The following SDK1 variants were observed in gnomAD, a reference collection of about 807,000 sequenced individuals.
SDK1 encodes the protein sidekick cell adhesion molecule 1, also known as protein sidekick-1.
In SDK1, 157 loss-of-function variants were observed where a neutral mutation model predicts 245.5. That is an observed-to-expected ratio of 0.64 (90% CI 0.56 to 0.73). SDK1 has a LOEUF of 0.73. Among genes scored for constraint, SDK1 ranks in the 30% least tolerant of loss-of-function variants. The probability of loss-of-function intolerance (pLI) is 0.00; values close to 1 mark genes in which losing one functional copy is unlikely to be tolerated. For missense variants in SDK1, 3,583 were observed against 3,002.3 expected, an observed-to-expected ratio of 1.19 and a Z score of -4.52; for synonymous variants, 1,647 against 1,278.5, an observed-to-expected ratio of 1.29 and a Z score of -6.15.
chr7:3,359,872 G>T (rs968375839), intron 1 of SDK1, among the ~76,000 whole-genome samples: 5 of 152,196 alleles, frequency 3.3e-5, no homozygotes, highest in African/African-American at 7.2e-5. Flanking sequence ...TGTGACCCAT[G>T]AAGTCTTAGG....
At chr7:3,438,588 G>A (rs548796961) in intron 1 of SDK1, among the ~76,000 whole-genome samples, 9 of 152,172 alleles carry the variant, frequency 5.9e-5, no homozygotes, top group African/African-American at 1.7e-4. Flanking sequence ...TTGGTCAGTA[G>A]GATGGTTAAG....
At chr7:3,694,314 A>G (rs984414524) in intron 4 of SDK1, among the ~76,000 whole-genome samples, 3 of 152,148 alleles carry the variant, frequency 2.0e-5, no homozygotes, top group South Asian at 2.1e-4. Flanking sequence ...TGGGCAGTGC[A>G]TGAAGGCAAG....
chr7:3,335,202 C>T (rs1269696140), intron 1 of SDK1, among the ~76,000 whole-genome samples: 1 of 152,180 alleles, frequency 6.6e-6, no homozygotes, highest in Non-Finnish European at 1.5e-5. Flanking sequence ...CCACTGCTCA[C>T]TTAGATTATA....
chr7:3,819,789 C>G (rs904132135), intron 4 of SDK1, among the ~76,000 whole-genome samples: 2 of 152,070 alleles, frequency 1.3e-5, no homozygotes, highest in African/African-American at 4.8e-5. Flanking sequence ...TAAGCAATAA[C>G]TTCTTAAGAT....
At chr7:4,093,211 G>C (rs950669959) in intron 22 of SDK1, among the ~76,000 whole-genome samples, 1 of 151,886 alleles carries the variant, frequency 6.6e-6, no homozygotes, top group Admixed American at 6.6e-5. Context: ...ACATCTCTTT[G>C]AGCATTTTTA....
At chr7:4,064,320 A>G (rs536619738) in intron 19 of SDK1, among the ~76,000 whole-genome samples, 38 of 152,294 alleles carry the variant, frequency 2.5e-4, no homozygotes, top group African/African-American at 8.7e-4. Context: ...CTATGAAAAA[A>G]TGCCCAGTAT....
intron 17 of SDK1, among the ~76,000 whole-genome samples, chr7:4,023,467 A>G (rs916506130): frequency 2.6e-5 from 4 of 152,180 alleles, no homozygotes; most frequent in African/African-American, 4.8e-5. Context: ...TCAGTTCCGC[A>G]TATCAAATTT....
chr7:3,987,788 G>A (rs889974783), intron 14 of SDK1, among the ~76,000 whole-genome samples: 3 of 152,076 alleles, frequency 2.0e-5, no homozygotes, highest in African/African-American at 7.2e-5. Flanking sequence ...CGCCATCCTT[G>A]GAACTCTTCT....
chr7:4,139,789 G>A (rs941664657), intron 28 of SDK1, among the ~76,000 whole-genome samples: 1 of 151,938 alleles, frequency 6.6e-6, no homozygotes, highest in Non-Finnish European at 1.5e-5. Flanking sequence ...CCCCAGGAGC[G>A]CTATGGGACT....
chr7:4,247,867 C>T (rs1291603830), intron 44 of SDK1, among the ~76,000 whole-genome samples: 2 of 152,138 alleles, frequency 1.3e-5, no homozygotes, highest in African/African-American at 4.8e-5. Context: ...CTCCAGAGCT[C>T]AGTGTACCCC....
intron 1 of SDK1, among the ~76,000 whole-genome samples, chr7:3,492,392 G>A (rs1781890130): frequency 6.6e-6 from 1 of 152,216 alleles, no homozygotes; most frequent in African/African-American, 2.4e-5. Flanking sequence ...TACTCAGGAG[G>A]CTGAGGCAGG....
In SDK1 at chr7:4,162,287, C is replaced by G. The variant is rs1584335546; in HGVS notation, c.4800+431C>G. Among the ~76,000 whole-genome samples the G allele has an allele frequency of 3.9e-5, 6 of 152,182 alleles. No individual in the cohort carries two copies. The East Asian group carries it at 9.7e-4, about 25-fold the overall frequency. On this transcript the variant is annotated intron_variant, in intron 32 of 44. Transcript: ENST00000404826. The stretch of plus-strand genomic sequence containing the variant: ...GCTTTTCTAGAGAAGTCATCTGCAA[C>G]CAGACAAAATATCTACCGGATTGTA...
At chr7:3,626,798 CT>C in intron 2 of SDK1, among the ~76,000 whole-genome samples, 1 of 152,196 alleles carries the variant, frequency 6.6e-6, no homozygotes, top group Non-Finnish European at 1.5e-5. Flanking sequence ...CTCTGGGTCC[CT>C]TTTTCTTCTA....
chr7:4,055,004 T>G (rs1380771791), intron 19 of SDK1, among the ~76,000 whole-genome samples: 2 of 152,226 alleles, frequency 1.3e-5, no homozygotes, highest in Non-Finnish European at 2.9e-5. Context: ...TTGCTAGCAC[T>G]TGGCGAAGGA....
chr7:3,456,533 A>G (rs945959900), intron 1 of SDK1, among the ~76,000 whole-genome samples: 20 of 151,908 alleles, frequency 1.3e-4, no homozygotes, highest in Non-Finnish European at 2.2e-4. Flanking sequence ...CAGTTATTGT[A>G]TTTTTCAGTT....
In SDK1 at chr7:4,237,721, C is replaced by A. The variant is rs1786263247; in HGVS notation, c.6067C>A (p.Leu2023Met). The stretch of plus-strand genomic sequence containing the variant: ...GGCTCTGTCCAGCCTGATCGTCATC[C>A]TGCTGGTGGTGTTCGCCCTCGTCCT... ...VMALSSLIVILLVVFALVLHG... is the reference protein window; with the variant it reads ...VMALSSLIVIMLVVFALVLHG... Residue 2023 changes from leucine to methionine, a missense_variant, in exon 42 of 45, where the codon CTG becomes ATG. Transcript: ENST00000404826. The A allele has an allele frequency of 6.2e-7, 1 of 1,614,042 alleles. No homozygotes were observed. Among genetic ancestry groups the A allele is most frequent in the Non-Finnish European group, 8.5e-7 (1 of 1,179,934 alleles).
chr7:4,196,466 G>T (rs76082754), intron 35 of SDK1, among the ~76,000 whole-genome samples: 6,976 of 152,248 alleles, frequency 0.046, 250 homozygotes, highest in African/African-American at 0.094. Context: ...CTGGACGTGC[G>T]GTGCCGTCTC....
At chr7:3,914,170 T>C (rs1779286847) in intron 5 of SDK1, among the ~76,000 whole-genome samples, 2 of 152,360 alleles carry the variant, frequency 1.3e-5, no homozygotes, top group Non-Finnish European at 1.5e-5. Flanking sequence ...CATTATACAG[T>C]TCATTTATGC....
At chr7:3,956,923 G>C (rs1438622117) in intron 7 of SDK1, among the ~76,000 whole-genome samples, 4 of 152,156 alleles carry the variant, frequency 2.6e-5, no homozygotes, top group Non-Finnish European at 4.4e-5. Context: ...GGAAGCCTCG[G>C]GGGACTGTAC....
Sources: gnomAD v4.1 joint callset for allele counts (sites outside exome capture counted in the v4.1 genomes callset) on GRCh38, gnomAD v4.1.1 for gene constraint, MANE v1.5 for transcripts, NCBI Gene and HGNC (gene_info 2026-07-23, HGNC 2026-07-21) for gene names.